Variants in RIC1 observed in about 807,000 individuals in gnomAD.
RIC1 encodes RIC1 partner of RAB6A GEF complex, also known as guanine nucleotide exchange factor subunit RIC1.
Under a neutral mutation model 169.0 loss-of-function variants are expected in RIC1, and 88 were observed. The ratio of observed to expected loss-of-function variants is 0.52; its 90% confidence interval spans 0.44 to 0.62. The LOEUF is 0.62. Among genes scored for constraint, RIC1 ranks in the 20% least tolerant of loss-of-function variants. RIC1 has a pLI of 0.00. For missense variants in RIC1, 1,877 were observed against 1,725.5 expected, an observed-to-expected ratio of 1.09 and a Z score of -1.56; for synonymous variants, 790 against 601.5, an observed-to-expected ratio of 1.31 and a Z score of -4.59.
chr9:5,681,970 A>T (rs937371918), intron 2 of RIC1, among the ~76,000 whole-genome samples: 1 of 152,162 alleles, frequency 6.6e-6, no homozygotes, highest in East Asian at 1.9e-4. Flanking sequence ...ATCCGAGAGT[A>T]GGATTGCAAC....
chr9:5,697,338 T>C (rs959143822), intron 3 of RIC1, among the ~76,000 whole-genome samples: 1 of 152,216 alleles, frequency 6.6e-6, no homozygotes, highest in African/African-American at 2.4e-5. Context: ...TTTGTTTTCC[T>C]TCCCTCATGA....
chr9:5,645,974 G>C (rs963543341), intron 1 of RIC1, among the ~76,000 whole-genome samples: 8 of 136,138 alleles, frequency 5.9e-5, no homozygotes, highest in Non-Finnish European at 1.1e-4. Context: ...GAGAAATTTT[G>C]CTTTTTTTTT....
At chr9:5,687,569 G>A (rs1251032868) in intron 2 of RIC1, among the ~76,000 whole-genome samples, 1 of 151,946 alleles carries the variant, frequency 6.6e-6, no homozygotes, top group Non-Finnish European at 1.5e-5. Context: ...TTTCTCCTTT[G>A]ATTCATGGGT....
intron 22 of RIC1, chr9:5,769,693 A>T (rs999937307): frequency 3.9e-6 from 1 of 253,234 alleles, no homozygotes; most frequent in Non-Finnish European, 7.5e-6. Flanking sequence ...ATAAAAATTT[A>T]AAGTTTTTTA....
At chr9:5,687,122 A>G (rs981763213) in intron 2 of RIC1, among the ~76,000 whole-genome samples, 12 of 152,116 alleles carry the variant, frequency 7.9e-5, no homozygotes, top group Non-Finnish European at 1.8e-4. Context: ...TGTTAAAATT[A>G]TTGTCATATT....
chr9:5,641,528 T>A (rs2130315254), intron 1 of RIC1, among the ~76,000 whole-genome samples: 1 of 152,312 alleles, frequency 6.6e-6, no homozygotes, highest in African/African-American at 2.4e-5. Flanking sequence ...GGTCTCTTTC[T>A]CTACTTCCTC....
At chr9:5,708,694 G>A (rs1822749759) in intron 3 of RIC1, among the ~76,000 whole-genome samples, 1 of 151,986 alleles carries the variant, frequency 6.6e-6, no homozygotes, top group Middle Eastern at 3.4e-3. Context: ...TCGTTTTTTT[G>A]ACAGTTTGAA....
intron 12 of RIC1, among the ~76,000 whole-genome samples, chr9:5,749,893 C>T (rs1413030793): frequency 6.8e-6 from 1 of 147,564 alleles, no homozygotes; most frequent in African/African-American, 2.5e-5. Flanking sequence ...ATTCTGCTGT[C>T]TCAGCCTCCC....
chr9:5,758,239 T>C (rs1826122114), intron 17 of RIC1, among the ~76,000 whole-genome samples: 1 of 152,100 alleles, frequency 6.6e-6, no homozygotes, highest in Non-Finnish European at 1.5e-5. Context: ...GGGTAAGAAG[T>C]AGGGCGACCA....
chr9:5,666,208 G>A (rs1455813120), intron 2 of RIC1, among the ~76,000 whole-genome samples: 1 of 152,198 alleles, frequency 6.6e-6, no homozygotes, highest in East Asian at 1.9e-4. Flanking sequence ...GCCATGATCT[G>A]GCAGTGTGGC....
chr9:5,720,362 T>C (rs1213086231), intron 5 of RIC1, 38 bp downstream of exon 5: 3 of 1,570,586 alleles, frequency 1.9e-6, no homozygotes, highest in Admixed American at 1.8e-5. Flanking sequence ...ACCAGTTGTT[T>C]AATGTTTGAT....
chr9:5,778,149 A>C (rs1173874346), downstream of RIC1, among the ~76,000 whole-genome samples: 2 of 152,190 alleles, frequency 1.3e-5, no homozygotes, highest in African/African-American at 4.8e-5. Context: ...AATTTTTGCT[A>C]AGTCTCATAC....
At chr9:5,756,120 A>AT (rs1240433367) in intron 15 of RIC1, 92 bp from the exon 16 acceptor site, 28 of 665,850 alleles carry the variant, frequency 4.2e-5, no homozygotes, top group Non-Finnish European at 5.2e-5. Context: ...AAAAAAAAAA[A>AT]GTCGGAAGTT....
At position 5,756,372 on chromosome 9, in the gene RIC1, G is replaced by C. The variant is rs754824481; in HGVS notation, c.1853G>C (p.Gly618Ala). ...TACAGTATTGAAAGAAAATCTGATGGGTAAGTATCTGGCATATGAGAAGTC... is the reference window on the plus strand; with the variant it reads ...TACAGTATTGAAAGAAAATCTGATGCGTAAGTATCTGGCATATGAGAAGTC... ...CLYSIERKSD[G>A]PNTTAGIQVL... The change falls in exon 16 of 26, where the codon GGT (glycine) becomes GCT (alanine). Residue 618 changes from glycine to alanine, a missense_variant and splice_region_variant. By Grantham distance (60) the Gly-to-Ala change is moderately conservative. Coordinates refer to ENST00000414202, the MANE Select transcript of RIC1 (RefSeq NM_020829.4). The C allele has an allele frequency of 1.4e-6, 2 of 1,453,964 alleles. No homozygotes were observed. Among genetic ancestry groups the C allele is most frequent in the Admixed American group, 2.1e-5 (1 of 48,486 alleles). 90.1% of individuals were successfully genotyped at this position (1,453,964 alleles called of 1,614,324 possible).
At chr9:5,717,840 A>G (rs1823348307) in intron 4 of RIC1, among the ~76,000 whole-genome samples, 1 of 150,466 alleles carries the variant, frequency 6.6e-6, no homozygotes, top group African/African-American at 2.5e-5. Context: ...CTGTTTAAAA[A>G]TAAAAAAAAA....
chr9:5,687,177 G>T (rs990211618), intron 2 of RIC1, among the ~76,000 whole-genome samples: 1 of 152,060 alleles, frequency 6.6e-6, no homozygotes, highest in Non-Finnish European at 1.5e-5. Flanking sequence ...AGAATTTGTA[G>T]TGATATCACC....
At chr9:5,768,915 T>C (rs1826995538) in intron 21 of RIC1, 55 bp from the exon 22 acceptor site, 2 of 1,536,688 alleles carry the variant, frequency 1.3e-6, no homozygotes, top group South Asian at 1.3e-5. Flanking sequence ...GTAATAAGGA[T>C]GTGAAATCCT....
At chr9:5,641,612 T>A (rs577117436) in intron 1 of RIC1, among the ~76,000 whole-genome samples, 2 of 151,970 alleles carry the variant, frequency 1.3e-5, no homozygotes, top group Non-Finnish European at 2.9e-5. Context: ...TTCTATTCTT[T>A]TTTCTTTTGT....
At chr9:5,688,203 A>T (rs1821367461) in intron 2 of RIC1, among the ~76,000 whole-genome samples, 1 of 151,982 alleles carries the variant, frequency 6.6e-6, no homozygotes, top group Non-Finnish European at 1.5e-5. Context: ...TTGATTTTTC[A>T]TTATGTCTCA....
Sources: gnomAD v4.1 joint callset for allele counts (sites outside exome capture counted in the v4.1 genomes callset) on GRCh38, gnomAD v4.1.1 for gene constraint, MANE v1.5 for transcripts, NCBI Gene and HGNC (gene_info 2026-07-23, HGNC 2026-07-21) for gene names.